Variants in UTS2 observed in about 807,000 individuals in gnomAD.
UTS2 encodes the protein urotensin-2.
In UTS2, 10 loss-of-function variants were observed where a neutral mutation model predicts 12.6. The observed-to-expected ratio is 0.80, with a 90% CI of 0.49 to 1.35. The LOEUF (loss-of-function observed/expected upper bound fraction) is 1.35. Ranked by LOEUF, UTS2 falls within the 40% of genes most tolerant of loss-of-function variation. The probability of loss-of-function intolerance (pLI) is 0.00; values close to 1 mark genes in which losing one functional copy is unlikely to be tolerated. For missense variants in UTS2, 142 were observed against 143.2 expected (o/e 0.99, Z 0.04); for synonymous variants, 52 against 50.0 (o/e 1.04, Z -0.17).
At chr1:7,878,601 T>C in the UTS2 span, among the ~76,000 whole-genome samples, 1 of 152,148 alleles carries the variant, frequency 6.6e-6, no homozygotes, top group Non-Finnish European at 1.5e-5. Context: ...TAGAGCCATG[T>C]GCCTGTAGTC....
the UTS2 span, among the ~76,000 whole-genome samples, chr1:7,898,628 A>T: frequency 6.6e-6 from 1 of 152,062 alleles, no homozygotes. Flanking sequence ...GGTGCCTGCC[A>T]CTACGCCCGG....
upstream of UTS2, among the ~76,000 whole-genome samples, chr1:7,853,719 G>A (rs748348197): frequency 2.6e-5 from 4 of 152,168 alleles, no homozygotes; most frequent in African/African-American, 7.2e-5. Flanking sequence ...CAGAAAACTC[G>A]CTGATAAACA....
At chr1:7,907,898 G>A in the UTS2 span, among the ~76,000 whole-genome samples, 1 of 151,698 alleles carries the variant, frequency 6.6e-6, no homozygotes, top group African/African-American at 2.4e-5. Context: ...ACGGTGGCTA[G>A]CACCTGTAAT....
chr1:7,890,123 C>CT, the UTS2 span, among the ~76,000 whole-genome samples: 1 of 105,812 alleles, frequency 9.5e-6, no homozygotes, highest in East Asian at 2.2e-4. Flanking sequence ...GAGCCTCCAT[C>CT]TAAAAAAAAA....
At chr1:7,858,382 G>A (rs1321210749), upstream of UTS2, among the ~76,000 whole-genome samples, 1 of 152,190 alleles carries the variant, frequency 6.6e-6, no homozygotes, top group Non-Finnish European at 1.5e-5. Context: ...TCTGAAAAGA[G>A]AGGGGCATTG....
At chr1:7,894,704 G>T in the UTS2 span, among the ~76,000 whole-genome samples, 3 of 151,984 alleles carry the variant, frequency 2.0e-5, no homozygotes, top group Non-Finnish European at 4.4e-5. Context: ...AAATATGGCC[G>T]GGCGCGGTGG....
At chr1:7,848,158 C>T (rs2097409801) in intron 3 of UTS2, among the ~76,000 whole-genome samples, 2 of 152,132 alleles carry the variant, frequency 1.3e-5, no homozygotes, top group Non-Finnish European at 2.9e-5. Context: ...CTATTTAAAT[C>T]ATTTCAGCGG....
At chr1:7,888,971 G>A in the UTS2 span, among the ~76,000 whole-genome samples, 1 of 151,990 alleles carries the variant, frequency 6.6e-6, no homozygotes, top group African/African-American at 2.4e-5. Flanking sequence ...GCAGATTGTG[G>A]ATAATAAGAG....
At chr1:7,888,517 C>T in the UTS2 span, among the ~76,000 whole-genome samples, 7 of 152,170 alleles carry the variant, frequency 4.6e-5, no homozygotes, top group Admixed American at 6.6e-5. Context: ...TCTTTTCATT[C>T]CTTCTCCCTT....
rs767638296 is a variant in UTS2 at position 7,849,596 on chromosome 1, A to G, written c.258+44T>C. The G allele has an allele frequency of 3.9e-5, 59 of 1,526,204 alleles. No homozygotes were observed. The Middle Eastern group carries it at 1.0e-3, about 26-fold the overall frequency. 94.5% of individuals were successfully genotyped at this position (1,526,204 alleles called of 1,614,324 possible). A position where few individuals can be genotyped will look rare whatever the true frequency, so the allele number is the denominator to read the frequency against. ...TCAGAGTCCTGTAAAACCAGTACAG[A>G]ATGTTCACCTTTTTAAACCTAACTC... On this transcript the variant is annotated intron_variant, in intron 3 of 3. Coordinates refer to ENST00000361696, the MANE Select transcript of UTS2 (RefSeq NM_006786.4).
the UTS2 span, among the ~76,000 whole-genome samples, chr1:7,904,680 A>G: frequency 1.3e-5 from 2 of 152,082 alleles, no homozygotes; most frequent in African/African-American, 4.8e-5. Flanking sequence ...TGAGGCAGGC[A>G]GATCACCTGA....
the UTS2 span, among the ~76,000 whole-genome samples, chr1:7,896,042 G>T: frequency 6.6e-6 from 1 of 152,112 alleles, no homozygotes; most frequent in African/African-American, 2.4e-5. Flanking sequence ...AGAAGTAAAG[G>T]GAGCAAATGC....
the UTS2 span, among the ~76,000 whole-genome samples, chr1:7,893,263 A>G: frequency 6.6e-6 from 1 of 152,220 alleles, no homozygotes; most frequent in East Asian, 1.9e-4. Flanking sequence ...CTGTAATACC[A>G]GCACTTTGAG....
chr1:7,885,456 C>T, the UTS2 span, among the ~76,000 whole-genome samples: 2 of 152,052 alleles, frequency 1.3e-5, no homozygotes, highest in Non-Finnish European at 2.9e-5. Flanking sequence ...GAGATGGCCC[C>T]GGTATAGGCC....
chr1:7,862,867 G>GT, the UTS2 span, among the ~76,000 whole-genome samples: 1 of 152,066 alleles, frequency 6.6e-6, no homozygotes, highest in South Asian at 2.1e-4. Context: ...CCTCTGCTTG[G>GT]AATGCTCTCC....
chr1:7,898,531 A>C, the UTS2 span, among the ~76,000 whole-genome samples: 1 of 151,796 alleles, frequency 6.6e-6, no homozygotes, highest in South Asian at 2.1e-4. Context: ...GCTGGAGTGC[A>C]GTGGCGCGAT....
upstream of UTS2, chr1:7,853,278 T>G (rs775484077): frequency 1.2e-5 from 19 of 1,613,562 alleles, no homozygotes; most frequent in Middle Eastern, 3.3e-4. Context: ...AACAGTGAGT[T>G]TATAAATCTG....
chr1:7,891,611 T>C, the UTS2 span, among the ~76,000 whole-genome samples: 1 of 136,836 alleles, frequency 7.3e-6, no homozygotes, highest in African/African-American at 2.8e-5. Flanking sequence ...TTGCCAAGAG[T>C]AGATTTTGAG....
intron 3 of UTS2, among the ~76,000 whole-genome samples, chr1:7,848,885 C>G (rs1378194561): frequency 2.0e-5 from 3 of 152,142 alleles, no homozygotes; most frequent in African/African-American, 7.2e-5. Flanking sequence ...TTGCAGTGCC[C>G]TTCACACTTT....
Sources: gnomAD v4.1 joint callset for allele counts (sites outside exome capture counted in the v4.1 genomes callset) on GRCh38, gnomAD v4.1.1 for gene constraint, MANE v1.5 for transcripts, NCBI Gene and HGNC (gene_info 2026-07-23, HGNC 2026-07-21) for gene names.